INPP5A: variants seen among roughly 807,000 people sequenced by gnomAD.
The protein encoded by INPP5A is 43 kDa inositol polyphosphate 5-phophatase.
A neutral mutation model predicts 65.2 loss-of-function variants in INPP5A; 14 were observed. The observed-to-expected ratio is 0.21, with a 90% CI of 0.14 to 0.34. The LOEUF (loss-of-function observed/expected upper bound fraction) is 0.34, where lower values mean the gene tolerates loss of function less well. Among genes scored for constraint, INPP5A ranks in the 10% least tolerant of loss-of-function variants. The pLI, the probability that INPP5A is intolerant of heterozygous loss-of-function variation, is 1.00. For synonymous variants in INPP5A, 207 were observed against 208.3 expected, an observed-to-expected ratio of 0.99 and a Z score of 0.05; for missense variants, 431 against 545.6, an observed-to-expected ratio of 0.79 and a Z score of 2.09.
intron 5 of INPP5A, among the ~76,000 whole-genome samples, chr10:132,695,483 A>T (rs1845331220): frequency 6.6e-6 from 1 of 152,230 alleles, no homozygotes; most frequent in South Asian, 2.1e-4. Context: ...ATCTTACTGA[A>T]AATCTTAGAT....
chr10:132,647,150 C>A (rs1483147694), intron 3 of INPP5A, among the ~76,000 whole-genome samples: 1 of 148,558 alleles, frequency 6.7e-6, no homozygotes, highest in Admixed American at 6.7e-5. Context: ...GAGTCTCGCT[C>A]TGTTGCCCAG....
At chr10:132,631,964 G>A (rs1206807300) in intron 2 of INPP5A, among the ~76,000 whole-genome samples, 1 of 152,224 alleles carries the variant, frequency 6.6e-6, no homozygotes, top group Non-Finnish European at 1.5e-5. Context: ...CCAAGGTCAC[G>A]CATGCCAGTG....
chr10:132,607,091 G>T (rs1389861793), intron 1 of INPP5A, among the ~76,000 whole-genome samples: 3 of 152,234 alleles, frequency 2.0e-5, no homozygotes, highest in Admixed American at 6.5e-5. Context: ...CCCTCCTCTT[G>T]GGTTTGAATG....
At position 132,705,660 on chromosome 10, in the gene INPP5A, C is replaced by A. The variant is rs574882361; in HGVS notation, c.475-2653C>A. 6.6e-6 allele frequency among the ~76,000 whole-genome samples: 1 copy of A among 152,332 alleles called. No homozygotes were observed. Among genetic ancestry groups the A allele is most frequent in the Admixed American group, 6.5e-5 (1 of 15,310 alleles). On this transcript the variant is annotated intron_variant, in intron 6 of 15. Transcript: ENST00000368594. The surrounding 1 kb of genome is among the most constrained non-coding windows in gnomAD (Gnocchi z 4.9). ...TAAAGCCTATTACTTCTTTAAAAGT[C>A]TGCTTACCTGGGGCCCGGGACTTTA...
chr10:132,604,325 C>T (rs1310904440), intron 1 of INPP5A, among the ~76,000 whole-genome samples: 10 of 150,830 alleles, frequency 6.6e-5, no homozygotes, highest in Non-Finnish European at 1.5e-4. Flanking sequence ...TCTGGCGCGC[C>T]CTGTGCCATC....
At chr10:132,595,522 G>T (rs199600955) in intron 1 of INPP5A, among the ~76,000 whole-genome samples, 1 of 152,224 alleles carries the variant, frequency 6.6e-6, no homozygotes, top group Non-Finnish European at 1.5e-5. Flanking sequence ...CCACATTGCG[G>T]TGTTTGTTGG....
At position 132,737,428 on chromosome 10, in the gene INPP5A, T is replaced by C. The variant is rs1846197650; in HGVS notation, c.732+10523T>C. Among the ~76,000 whole-genome samples the C allele has an allele frequency of 1.4e-5, 2 of 145,212 alleles. 1 individual carries two copies. Among genetic ancestry groups the C allele is most frequent in the Non-Finnish European group, 2.9e-5 (2 of 67,940 alleles). ...CCCGTCCTCTGCTGCCGTGGGTTAA[T>C]GTTAGCGCAGCCCTGTCCTCCTACT... On this transcript the variant is annotated intron_variant, in intron 9 of 15. Coordinates refer to ENST00000368594, the MANE Select transcript of INPP5A (RefSeq NM_005539.5).
chr10:132,655,194 GT>G (rs1474245837), intron 4 of INPP5A, among the ~76,000 whole-genome samples: 1 of 152,230 alleles, frequency 6.6e-6, no homozygotes, highest in Admixed American at 6.5e-5. Context: ...GGCGGTCTGT[GT>G]GCCTCATCCC....
At chr10:132,608,178 C>G (rs1351956665) in intron 2 of INPP5A, among the ~76,000 whole-genome samples, 15 of 152,240 alleles carry the variant, frequency 9.9e-5, no homozygotes, top group Non-Finnish European at 2.9e-5. Flanking sequence ...CCTCCTCGGG[C>G]TCACTGTTCA....
Position 132,549,405 on chromosome 10 carries a change from G to A in INPP5A, c.75+11234G>A, listed in dbSNP as rs1322503608. Among the ~76,000 whole-genome samples the A allele has an allele frequency of 6.6e-6, 1 of 152,214 alleles. No individual in the cohort carries two copies. Among genetic ancestry groups the A allele is most frequent in the Non-Finnish European group, 1.5e-5 (1 of 68,048 alleles). On this transcript the variant is annotated intron_variant, in intron 1 of 15. Coordinates refer to ENST00000368594, the MANE Select transcript of INPP5A (RefSeq NM_005539.5). This position sits in a 1 kb window ranked among gnomAD's most constrained non-coding sequence, Gnocchi z 4.9. The stretch of plus-strand genomic sequence containing the variant: ...GGCATTTGTCTTTTTAATTATGGCT[G>A]TGTGGTGGCATCTTGCGGTTTAACT...
chr10:132,729,473 G>T (rs577970235), intron 9 of INPP5A, among the ~76,000 whole-genome samples: 1 of 152,170 alleles, frequency 6.6e-6, no homozygotes, highest in East Asian at 1.9e-4. Context: ...CCTGGACCCC[G>T]CCAGGGAGGG....
chr10:132,610,377 C>T (rs959936756), intron 2 of INPP5A, among the ~76,000 whole-genome samples: 2 of 152,056 alleles, frequency 1.3e-5, no homozygotes, highest in South Asian at 2.1e-4. Context: ...GGGTGGGGGG[C>T]GGTTCGTGAA....
rs1357720998 is a variant in INPP5A, at chr10:132,780,886, T to C, written c.1127T>C (p.Ile376Thr). 1 of 1,611,830 alleles carries C rather than the reference T, an allele frequency of 6.2e-7. No individual in the cohort carries two copies. Among genetic ancestry groups the C allele is most frequent in the African/African-American group, 1.3e-5 (1 of 74,798 alleles). ...SEEKVVTYDH[I>T]GPNVCMGDHK... Reference sequence around the variant, plus strand: ...GAGAAGGTTGTCACCTATGACCACATTGGGCCCAACGTCTGCATGGGAGAC... The same window carrying C: ...GAGAAGGTTGTCACCTATGACCACACTGGGCCCAACGTCTGCATGGGAGAC... The change falls in exon 14 of 16, where the codon ATT becomes ACT. Residue 376 changes from isoleucine (I) to threonine (T), a missense_variant. Transcript: ENST00000368594.
intron 12 of INPP5A, among the ~76,000 whole-genome samples, chr10:132,766,177 CAT>C (rs909591795): frequency 1.9e-4 from 29 of 152,162 alleles, no homozygotes; most frequent in African/African-American, 5.8e-4. Context: ...TTCTTGTGTG[CAT>C]AGTGTTTTTG....
Position 132,651,915 on chromosome 10 carries a change from C to G in INPP5A, c.306+1410C>G, listed in dbSNP as rs553720254. 2.0e-5 allele frequency among the ~76,000 whole-genome samples: 3 copies of G among 152,202 alleles called. No individual in the cohort carries two copies. Among genetic ancestry groups the G allele is most frequent in the African/African-American group, 7.2e-5 (3 of 41,452 alleles). ...GCAGCTGCCCACACACAAGCGGCCT[C>G]TCCTCACGCTCTGTGGGGCACACGG... On this transcript the variant is annotated intron_variant, in intron 4 of 15. Coordinates refer to ENST00000368594, the MANE Select transcript of INPP5A (RefSeq NM_005539.5). This position sits in a 1 kb window ranked among gnomAD's most constrained non-coding sequence, Gnocchi z 5.0.
intron 2 of INPP5A, among the ~76,000 whole-genome samples, chr10:132,643,771 C>G (rs1464479509): frequency 1.3e-5 from 2 of 152,172 alleles, no homozygotes; most frequent in African/African-American, 4.8e-5. Context: ...GGTTCCTGTG[C>G]CCAGCCCTGC....
chr10:132,745,399 G>C (rs1846350762), intron 9 of INPP5A, among the ~76,000 whole-genome samples: 1 of 152,186 alleles, frequency 6.6e-6, no homozygotes, highest in South Asian at 2.1e-4. Flanking sequence ...CAGGGAACTG[G>C]ACTCTCCGTG....
intron 11 of INPP5A, 98 bp downstream of exon 11, chr10:132,749,943 G>A (rs1846444127): frequency 1.9e-6 from 2 of 1,042,756 alleles, no homozygotes; most frequent in Non-Finnish European, 3.0e-6. Context: ...ACCCTGCCTT[G>A]TCCCTGCCAC....
intron 5 of INPP5A, among the ~76,000 whole-genome samples, chr10:132,696,674 G>C (rs1011059072): frequency 1.3e-5 from 2 of 152,184 alleles, no homozygotes; most frequent in Non-Finnish European, 2.9e-5. Flanking sequence ...TTTAGGGAAT[G>C]GCCTCTATTT....
Sources: allele counts gnomAD v4.1 joint callset (sites outside exome capture counted in the v4.1 genomes callset), GRCh38; gene constraint gnomAD v4.1.1; non-coding constraint Gnocchi (gnomAD v3.1); transcripts MANE v1.5; gene names NCBI Gene and HGNC (gene_info 2026-07-23, HGNC 2026-07-21).